The following DCLRE1C variants were observed in gnomAD, a reference collection of about 807,000 sequenced individuals.
DCLRE1C encodes the protein DNA cross-link repair 1C, also known as protein artemis.
Under a neutral mutation model 61.4 loss-of-function variants are expected in DCLRE1C, and 47 were observed. The observed-to-expected ratio is 0.77, with a 90% confidence interval of 0.61 to 0.98. DCLRE1C has a LOEUF of 0.98. Ranked by LOEUF, DCLRE1C falls within the 50% of genes least tolerant of loss-of-function variation. DCLRE1C has a pLI of 0.00. For missense variants in DCLRE1C, 858 were observed against 816.0 expected (o/e 1.05, Z -0.63); for synonymous variants, 337 against 287.6 (o/e 1.17, Z -1.74).
intron 13 of DCLRE1C, among the ~76,000 whole-genome samples, chr10:14,913,326 G>T (rs893481143): frequency 2.0e-5 from 3 of 152,206 alleles, no homozygotes; most frequent in African/African-American, 7.2e-5. Flanking sequence ...GGGGATGATT[G>T]TACAATTCTG....
At chr10:14,918,947 A>G (rs1048041727) in intron 13 of DCLRE1C, among the ~76,000 whole-genome samples, 2 of 152,160 alleles carry the variant, frequency 1.3e-5, no homozygotes, top group East Asian at 3.9e-4. Flanking sequence ...TCTAAACTTC[A>G]GTTTCCTCAT....
At chr10:14,941,765 G>A (rs1290873136) in intron 3 of DCLRE1C, among the ~76,000 whole-genome samples, 668 of 151,856 alleles carry the variant, frequency 4.4e-3, no homozygotes, top group African/African-American at 0.016. Flanking sequence ...GTTTTTGTAA[G>A]TGTCATGAGC....
At chr10:14,899,905 A>G, downstream of DCLRE1C, among the ~76,000 whole-genome samples, 1 of 152,334 alleles carries the variant, frequency 6.6e-6, no homozygotes, top group East Asian at 1.9e-4. Flanking sequence ...TGTATTTTAC[A>G]AGAGTCTTTA....
At chr10:14,923,928 C>G (rs959734962) in intron 11 of DCLRE1C, among the ~76,000 whole-genome samples, 3 of 152,210 alleles carry the variant, frequency 2.0e-5, no homozygotes, top group Non-Finnish European at 2.9e-5. Context: ...GCACTGGTCT[C>G]CAGTGACCAG....
chr10:14,934,777 T>G lies in DCLRE1C; in HGVS notation c.465-2A>C, dbSNP rs1839625956. On this transcript the variant is annotated splice_acceptor_variant, in intron 6 of 13. Coordinates refer to ENST00000378278, the MANE Select transcript of DCLRE1C (RefSeq NM_001033855.3). LOFTEE classifies it high-confidence loss of function. ...TATACACTTTGGATGTCTTTGACTC[T>G]GAAAAGAAAAAAAATTGATGTTAGC... 21 of 1,610,324 alleles carry G rather than the reference T, an allele frequency of 1.3e-5. No individual in the cohort carries two copies. The highest frequency in any genetic ancestry group is 1.7e-5 in the Non-Finnish European group (20 of 1,176,524).
chr10:14,949,036 C>G lies in DCLRE1C; in HGVS notation c.161G>C (p.Ser54Thr). 1 of 1,607,380 alleles carries G rather than the reference C, an allele frequency of 6.2e-7. No homozygotes were observed. Among genetic ancestry groups the G allele is most frequent in the Non-Finnish European group, 8.5e-7 (1 of 1,174,334 alleles). ...APTLKRRLEC[S>T]LKVYLYCSPV... is the part of the protein sequence containing the mutation. ...AAACACAAGTAGCAAAATAAATTAC[C>G]TGCACTCCAACCTTCTTTTCAAGGT... The change falls in exon 2 of 14, where the codon AGC (serine) becomes ACC (threonine). Residue 54 changes from serine to threonine, a missense_variant and splice_region_variant. Coordinates refer to ENST00000378278, the MANE Select transcript of DCLRE1C (RefSeq NM_001033855.3).
chr10:14,940,221 C>G (rs1176919065), intron 3 of DCLRE1C, among the ~76,000 whole-genome samples: 1 of 151,870 alleles, frequency 6.6e-6, no homozygotes, highest in Non-Finnish European at 1.5e-5. Flanking sequence ...GTCCTGTGTC[C>G]TAACTTTTGT....
chr10:14,935,663 A>G (rs923715218), intron 5 of DCLRE1C, 99 bp from the exon 6 acceptor site: 1 of 1,138,348 alleles, frequency 8.8e-7, no homozygotes, highest in African/African-American at 1.5e-5. Flanking sequence ...CTGCAAACAT[A>G]TCCATTACAA....
At chr10:14,918,247 G>T (rs559531807) in intron 13 of DCLRE1C, among the ~76,000 whole-genome samples, 1 of 152,294 alleles carries the variant, frequency 6.6e-6, no homozygotes, top group Admixed American at 6.5e-5. Context: ...ACATCAACAG[G>T]TGAATGGATC....
chr10:14,945,291 C>G (rs891596445), intron 2 of DCLRE1C, 102 bp from the exon 3 acceptor site: 29 of 1,404,490 alleles, frequency 2.1e-5, no homozygotes, highest in Non-Finnish European at 2.7e-5. Flanking sequence ...TCATTTGAGA[C>G]CAGTCTGACC....
At chr10:14,929,181 G>C (rs1838542783) in intron 9 of DCLRE1C, among the ~76,000 whole-genome samples, 1 of 152,080 alleles carries the variant, frequency 6.6e-6, no homozygotes, top group African/African-American at 2.4e-5. Context: ...GAGGCAGGTG[G>C]ATCACTTGAG....
chr10:14,912,511 G>A (rs901753919), intron 13 of DCLRE1C, among the ~76,000 whole-genome samples: 1 of 152,176 alleles, frequency 6.6e-6, no homozygotes, highest in African/African-American at 2.4e-5. Context: ...TTAAAAAGGA[G>A]AAGCAACCCA....
chr10:14,925,264 T>C (rs1381779712), intron 11 of DCLRE1C, among the ~76,000 whole-genome samples: 1 of 146,986 alleles, frequency 6.8e-6, no homozygotes, highest in Non-Finnish European at 1.5e-5. Flanking sequence ...GTCAAGCCTA[T>C]ACCAGAAATG....
upstream of DCLRE1C, chr10:14,954,427 G>C (rs1414372569): frequency 1.3e-5 from 4 of 307,526 alleles, no homozygotes; most frequent in South Asian, 9.0e-5. Flanking sequence ...ATCATTCTTC[G>C]TTCCGCTTCC....
rs780103215 is a variant in DCLRE1C, at chr10:14,908,748, G to A, written c.1739C>T (p.Pro580Leu). ...ITSLDKADYRPTIKENIPASL... is the reference protein window; with the variant it reads ...ITSLDKADYRLTIKENIPASL... The stretch of plus-strand genomic sequence containing the variant: ...GGCAGGAATATTCTCTTTGATTGTT[G>A]GTCTGTAGTCAGCTTTGTCCAAGGA... Residue 580 changes from proline (P) to leucine (L), a missense_variant, in exon 14 of 14, where the codon CCA becomes CTA. Around this residue, in one of 2 missense-constraint regions of DCLRE1C, gnomAD observed 843 missense variants for 783.5 expected, o/e 1.08. Coordinates refer to ENST00000378278, the MANE Select transcript of DCLRE1C (RefSeq NM_001033855.3). The A allele has an allele frequency of 1.9e-6, 3 of 1,613,938 alleles. No individual in the cohort carries two copies. The highest frequency in any genetic ancestry group is 3.3e-5 in the Admixed American group (2 of 59,996).
chr10:14,925,371 T>C (rs1837801049), intron 11 of DCLRE1C, among the ~76,000 whole-genome samples: 1 of 152,172 alleles, frequency 6.6e-6, no homozygotes, highest in African/African-American at 2.4e-5. Flanking sequence ...TGACTCCCTT[T>C]TATCAAATGC....
intron 13 of DCLRE1C, among the ~76,000 whole-genome samples, chr10:14,914,863 C>T (rs944743858): frequency 3.3e-5 from 5 of 151,876 alleles, no homozygotes; most frequent in African/African-American, 1.2e-4. Flanking sequence ...TCACTTGAAC[C>T]TGGGAGGCAG....
intron 3 of DCLRE1C, 75 bp downstream of exon 3, chr10:14,945,030 A>G: frequency 8.6e-7 from 1 of 1,169,396 alleles, no homozygotes; most frequent in African/African-American, 1.5e-5. Flanking sequence ...AAACTGAGGC[A>G]AAGTTTTTGT....
At chr10:14,914,962 A>T (rs551425974) in intron 13 of DCLRE1C, among the ~76,000 whole-genome samples, 1 of 152,186 alleles carries the variant, frequency 6.6e-6, no homozygotes, top group East Asian at 1.9e-4. Context: ...AAATCATACA[A>T]AGTATGTTCT....
Sources: allele counts gnomAD v4.1 joint callset (sites outside exome capture counted in the v4.1 genomes callset), GRCh38; gene constraint gnomAD v4.1.1; regional missense constraint gnomAD v4.1.1; transcripts MANE v1.5; gene names NCBI Gene and HGNC (gene_info 2026-07-23, HGNC 2026-07-21).